Variants in CCDC92B observed in about 807,000 individuals in gnomAD.
The protein encoded by CCDC92B is coiled-coil domain-containing 92B.
A neutral mutation model predicts 5.6 loss-of-function variants in CCDC92B; 2 were observed. The observed-to-expected ratio is 0.36, with a 90% CI of 0.15 to 1.12. The LOEUF is 1.12. Ranked by LOEUF, CCDC92B falls within the 50% of genes most tolerant of loss-of-function variation. CCDC92B has a pLI of 0.40. For synonymous variants in CCDC92B, 115 were observed against 122.3 expected (o/e 0.94, Z 0.39); for missense variants, 271 against 262.2 (o/e 1.03, Z -0.23).
At chr17:2,740,754 C>G (rs1206045486) in intron 1 of CCDC92B, among the ~76,000 whole-genome samples, 1 of 151,824 alleles carries the variant, frequency 6.6e-6, no homozygotes, top group African/African-American at 2.4e-5. Context: ...CGCAGTGGCT[C>G]ACACCTGTAA....
chr17:2,723,289 AAGCGATTCTCCTGCCTC>A lies in CCDC92B; in HGVS notation c.*1105_*1121del, dbSNP rs1362574381. 1 of 153,090 alleles carries A rather than the reference AAGCGATTCTCCTGCCTC, an allele frequency of 6.5e-6. No homozygotes were observed. The highest frequency in any genetic ancestry group is 1.5e-5 in the Non-Finnish European group (1 of 68,694). 9.5% of individuals were successfully genotyped at this position (153,090 alleles called of 1,614,324 possible). ...ACTGCAACCTCTGCCTCCCAGGTTC[AAGCGATTCTCCTGCCTC>A]AGCCTCCGGAGTAGCTGGGATTACA... is the stretch of plus-strand genomic sequence containing the variant. On this transcript the variant is annotated 3_prime_UTR_variant, in exon 4 of 4. Transcript: ENST00000614400.
chr17:2,730,490 A>G lies in CCDC92B; in HGVS notation c.134T>C (p.Leu45Pro). The G allele has an allele frequency of 1.0e-6, 1 of 976,774 alleles. No homozygotes were observed. Among genetic ancestry groups the G allele is most frequent in the Non-Finnish European group, 1.2e-6 (1 of 828,506 alleles). The allele number at this position is 976,774 out of a possible 1,614,324, so 60.5% of individuals were successfully genotyped here. A position where few individuals can be genotyped will look rare whatever the true frequency, so the allele number is the denominator to read the frequency against. The change falls in exon 3 of 4, where the codon CTG (leucine) becomes CCG (proline). Residue 45 changes from leucine to proline, a missense_variant. Leu to Pro is a moderately conservative substitution (Grantham distance 98). Transcript: ENST00000614400. ...ILRLQKRCSE[L>P]THDLEMREAQ... ...CTCTCTCATTTCCAGGTCATGGGTC[A>G]GTTCTGGGGGGAAAGAAAAGAAAAG... is the stretch of plus-strand genomic sequence containing the variant.
intron 1 of CCDC92B, among the ~76,000 whole-genome samples, chr17:2,743,959 C>A (rs1408233716): frequency 6.6e-6 from 1 of 152,046 alleles, no homozygotes; most frequent in African/African-American, 2.4e-5. Flanking sequence ...CTCACCGCAA[C>A]CTCCACCTCC....
chr17:2,728,270 A>T (rs962697712), intron 3 of CCDC92B, among the ~76,000 whole-genome samples: 4 of 149,704 alleles, frequency 2.7e-5, no homozygotes, highest in Non-Finnish European at 5.9e-5. Flanking sequence ...GTGAGCAGAG[A>T]TGGTGCCATG....
chr17:2,736,305 T>TA (rs1365811377), intron 1 of CCDC92B, among the ~76,000 whole-genome samples: 1 of 152,040 alleles, frequency 6.6e-6, no homozygotes, highest in Admixed American at 6.6e-5. Flanking sequence ...CACGTGCTTG[T>TA]AATCCCAGCT....
Position 2,735,009 on chromosome 17 carries a change from G to A in CCDC92B, c.130+7C>T. 9.1e-6 allele frequency: 9 copies of A among 985,560 alleles called. No homozygotes were observed. The highest frequency in any genetic ancestry group is 1.1e-5 in the Non-Finnish European group (9 of 830,014). 61.1% of individuals were successfully genotyped at this position (985,560 alleles called of 1,614,324 possible). ...CCCACCCGTCCAGCCGCCTCTCCTG[G>A]CCTCACCTGAGCAGCGTTTCTGCAG... On this transcript the variant is annotated splice_region_variant and intron_variant, in intron 2 of 3. Transcript: ENST00000614400.
At chr17:2,728,811 C>T (rs949587450) in intron 3 of CCDC92B, among the ~76,000 whole-genome samples, 4 of 152,100 alleles carry the variant, frequency 2.6e-5, no homozygotes, top group African/African-American at 9.7e-5. Flanking sequence ...TGGTTGTCCT[C>T]TAAAGAGGGC....
intron 2 of CCDC92B, among the ~76,000 whole-genome samples, chr17:2,734,054 C>G (rs1351943340): frequency 6.6e-6 from 1 of 152,154 alleles, no homozygotes; most frequent in East Asian, 1.9e-4. Flanking sequence ...GCCACCGTGC[C>G]TGGCCTCCAG....
chr17:2,747,875 A>G (rs2071005822), intron 1 of CCDC92B, among the ~76,000 whole-genome samples: 1 of 152,230 alleles, frequency 6.6e-6, no homozygotes, highest in Non-Finnish European at 1.5e-5. Flanking sequence ...TACTTATAAT[A>G]ATAAGTAATT....
chr17:2,726,878 G>A (rs2070737140), intron 3 of CCDC92B, among the ~76,000 whole-genome samples: 1 of 150,712 alleles, frequency 6.6e-6, no homozygotes, highest in Non-Finnish European at 1.5e-5. Flanking sequence ...CTCCCAGAGT[G>A]CTGGGATTAC....
At chr17:2,748,857 G>A (rs1370982768) in intron 1 of CCDC92B, among the ~76,000 whole-genome samples, 1 of 152,144 alleles carries the variant, frequency 6.6e-6, no homozygotes. Context: ...ACACTCCCCA[G>A]GGACCTTGTG....
intron 3 of CCDC92B, among the ~76,000 whole-genome samples, chr17:2,728,167 A>T (rs1191995920): frequency 6.6e-6 from 1 of 151,938 alleles, no homozygotes; most frequent in Non-Finnish European, 1.5e-5. Context: ...TCTACAAAAA[A>T]GCTGGGCATG....
chr17:2,743,407 G>A lies in CCDC92B; in HGVS notation c.-24+6004C>T, dbSNP rs150944334. On this transcript the variant is annotated intron_variant, in intron 1 of 3. Transcript: ENST00000614400. ...GATCTCACTGCTGCACTCCAGCCTG[G>A]GTGACAGAGCGAGACTCCGTCTCAA... Among the ~76,000 whole-genome samples the A allele has an allele frequency of 1.2e-4, 19 of 152,312 alleles. No individual in the cohort carries two copies. In the East Asian group the frequency reaches 3.7e-3, roughly 29 times the overall value.
At chr17:2,727,654 T>C (rs1057043694) in intron 3 of CCDC92B, among the ~76,000 whole-genome samples, 1 of 151,662 alleles carries the variant, frequency 6.6e-6, no homozygotes, top group African/African-American at 2.4e-5. Context: ...CGAAACCCCG[T>C]CTCTACTAAA....
intron 1 of CCDC92B, chr17:2,748,257 C>G (rs2071010853): frequency 4.5e-6 from 4 of 889,350 alleles, no homozygotes; most frequent in South Asian, 4.0e-5. Context: ...ATCTCTGCCT[C>G]TTGAAGCCTG....
intron 2 of CCDC92B, among the ~76,000 whole-genome samples, chr17:2,731,166 G>A (rs905489477): frequency 1.4e-4 from 21 of 152,296 alleles, no homozygotes; most frequent in African/African-American, 5.1e-4. Context: ...TGAGGGGGTG[G>A]AGCGGGCAGC....
rs528671950 is a variant in CCDC92B, at chr17:2,744,190, TTTTTTCA to T, written c.-24+5214_-24+5220del. Among the ~76,000 whole-genome samples, 1,283 of 151,966 alleles carry T rather than the reference TTTTTTCA, an allele frequency of 8.4e-3. 17 individuals carry two copies. The highest frequency in any genetic ancestry group is 0.029 in the African/African-American group (1,215 of 41,438). ...GGCGCTGCACCCGGCCTAAATTTTT[TTTTTTCA>T]TTTTTTATTTTGTAGAGACAAGAGT... On this transcript the variant is annotated intron_variant, in intron 1 of 3. Transcript: ENST00000614400.
At position 2,722,203 on chromosome 17, in the gene CCDC92B, G is replaced by A. The variant is rs115716735; in HGVS notation, c.*2208C>T. 111 of 152,396 alleles carry A rather than the reference G, an allele frequency of 7.3e-4. No homozygotes were observed. Among genetic ancestry groups the A allele is most frequent in the African/African-American group, 2.6e-3 (106 of 41,522 alleles). The allele number at this position is 152,396 out of a possible 1,614,324, so 9.4% of individuals were successfully genotyped here. On this transcript the variant is annotated 3_prime_UTR_variant, in exon 4 of 4. Transcript: ENST00000614400. ...TTCCCACAGTCCTCTGGGCACCTCC[G>A]AGAGAGGAGTGAGGCCCTCACACAC...
At chr17:2,734,047 A>C (rs912693150) in intron 2 of CCDC92B, among the ~76,000 whole-genome samples, 2 of 152,112 alleles carry the variant, frequency 1.3e-5, no homozygotes, top group Non-Finnish European at 2.9e-5. Context: ...GGTGTGAGCC[A>C]CCGTGCCTGG....
Sources: allele counts gnomAD v4.1 joint callset (sites outside exome capture counted in the v4.1 genomes callset), GRCh38; gene constraint gnomAD v4.1.1; transcripts MANE v1.5; gene names NCBI Gene and HGNC (gene_info 2026-07-23, HGNC 2026-07-21).